Variants in KCNT2 observed in about 807,000 individuals in gnomAD.
KCNT2 encodes the protein potassium sodium-activated channel subfamily T member 2.
Under a neutral mutation model 153.8 loss-of-function variants are expected in KCNT2, and 67 were observed. The ratio of observed to expected loss-of-function variants is 0.44; its 90% CI spans 0.36 to 0.53. The LOEUF (loss-of-function observed/expected upper bound fraction) is 0.53, where lower values mean the gene tolerates loss of function less well. Among genes scored for constraint, KCNT2 ranks in the 20% least tolerant of loss-of-function variants. KCNT2 has a pLI of 0.00. For synonymous variants in KCNT2, 500 were observed against 458.8 expected, an observed-to-expected ratio of 1.09 and a Z score of -1.15; for missense variants, 975 against 1,354.8, an observed-to-expected ratio of 0.72 and a Z score of 4.40.
chr1:196,398,593 G>T lies in KCNT2; in HGVS notation c.1264C>A (p.Pro422Thr), dbSNP rs1328309959. Residue 422 changes from proline to threonine, a missense_variant, in exon 13 of 28, where the codon CCT (proline) becomes ACT (threonine). Coordinates refer to ENST00000294725, the MANE Select transcript of KCNT2 (RefSeq NM_198503.5). ...AATTTGATGTGAAATTTATTTTCAGGCTTTAATATCTGGACATACAAAGGA... is the reference window on the plus strand; with the variant it reads ...AATTTGATGTGAAATTTATTTTCAGTCTTTAATATCTGGACATACAAAGGA... Reference protein sequence around the residue: ...NCPLYVQILKPENKFHIKFAD... With the variant: ...NCPLYVQILKTENKFHIKFAD... The T allele has an allele frequency of 1.2e-6, 2 of 1,603,114 alleles. No homozygotes were observed. Among genetic ancestry groups the T allele is most frequent in the Admixed American group, 3.4e-5 (2 of 59,268 alleles).
chr1:196,292,372 T>C (rs537506462), intron 22 of KCNT2, among the ~76,000 whole-genome samples: 2 of 152,276 alleles, frequency 1.3e-5, no homozygotes, highest in East Asian at 3.9e-4. Context: ...TTACACTCAA[T>C]GGTAGAAAGT....
chr1:196,478,559 G>C (rs1678737681), intron 5 of KCNT2, among the ~76,000 whole-genome samples: 1 of 152,030 alleles, frequency 6.6e-6, no homozygotes, highest in African/African-American at 2.4e-5. Flanking sequence ...TATGGTTCAA[G>C]TACTACTGTT....
At chr1:196,468,971 T>G in intron 6 of KCNT2, 23 bp downstream of exon 6, 1 of 1,471,942 alleles carries the variant, frequency 6.8e-7, no homozygotes, top group Non-Finnish European at 9.4e-7. Flanking sequence ...AAAGTGTTTT[T>G]TTAAGGTTCT....
intron 4 of KCNT2, among the ~76,000 whole-genome samples, chr1:196,481,131 T>A (rs1678989189): frequency 6.6e-6 from 1 of 152,162 alleles, no homozygotes; most frequent in Non-Finnish European, 1.5e-5. Flanking sequence ...ACAACTTGAC[T>A]TTAACAAAAC....
intron 1 of KCNT2, among the ~76,000 whole-genome samples, chr1:196,558,108 G>A (rs1332396772): frequency 4.6e-5 from 7 of 151,252 alleles, no homozygotes; most frequent in East Asian, 1.9e-4. Context: ...ATTGTAAGCC[G>A]ATATTAAGAT....
intron 1 of KCNT2, among the ~76,000 whole-genome samples, chr1:196,502,700 T>C (rs1428974876): frequency 2.6e-5 from 4 of 152,148 alleles, no homozygotes; most frequent in East Asian, 3.9e-4. Context: ...CCAAGAGTAC[T>C]TTTCTATTAA....
intron 13 of KCNT2, 81 bp from the exon 14 acceptor site, chr1:196,373,329 A>G (rs1356419840): frequency 4.3e-6 from 3 of 703,974 alleles, no homozygotes; most frequent in Non-Finnish European, 7.6e-6. Context: ...AAAATGAATA[A>G]AATGGTAAAA....
intron 1 of KCNT2, among the ~76,000 whole-genome samples, chr1:196,509,206 T>G (rs1251549452): frequency 6.6e-6 from 1 of 150,536 alleles, no homozygotes; most frequent in East Asian, 2.0e-4. Flanking sequence ...GAAGCGGAAG[T>G]TGCAGTGAGC....
At chr1:196,231,420 G>A (rs1341189723) in intron 27 of KCNT2, among the ~76,000 whole-genome samples, 3 of 151,678 alleles carry the variant, frequency 2.0e-5, no homozygotes, top group Non-Finnish European at 1.5e-5. Context: ...AGGAAACTGT[G>A]CTAACACCTT....
intron 10 of KCNT2, 81 bp downstream of exon 10, chr1:196,428,024 G>A (rs552854652): frequency 1.1e-5 from 12 of 1,049,650 alleles, no homozygotes; most frequent in African/African-American, 3.2e-5. Flanking sequence ...CCACAAAGCA[G>A]GCTGCACCAT....
chr1:196,307,497 T>A (rs1288184780), intron 21 of KCNT2, among the ~76,000 whole-genome samples: 3 of 152,108 alleles, frequency 2.0e-5, no homozygotes, highest in Non-Finnish European at 4.4e-5. Flanking sequence ...TTGGTTTTAT[T>A]CATGCCTTAG....
At chr1:196,437,542 T>A (rs1190218815) in intron 8 of KCNT2, among the ~76,000 whole-genome samples, 1 of 149,328 alleles carries the variant, frequency 6.7e-6, no homozygotes, top group Non-Finnish European at 1.5e-5. Flanking sequence ...AAAAAAGAAA[T>A]CAATGTCACA....
intron 1 of KCNT2, among the ~76,000 whole-genome samples, chr1:196,514,578 T>C (rs1681899089): frequency 6.6e-6 from 1 of 152,202 alleles, no homozygotes; most frequent in Admixed American, 6.5e-5. Flanking sequence ...GTGTACTATG[T>C]GAACACTTAC....
chr1:196,352,719 G>A lies in KCNT2; in HGVS notation c.1404-10491C>T, dbSNP rs1226696888. Reference sequence around the variant, plus strand: ...CCTCTATTTCTGTCAGTTCTGCTCTGATTTTAGTTATTTCTTGCCTTCTGC... The same window carrying A: ...CCTCTATTTCTGTCAGTTCTGCTCTAATTTTAGTTATTTCTTGCCTTCTGC... On this transcript the variant is annotated intron_variant, in intron 14 of 27. Transcript: ENST00000294725. 2.6e-5 allele frequency among the ~76,000 whole-genome samples: 4 copies of A among 152,142 alleles called. No homozygotes were observed. In the South Asian group the frequency reaches 8.3e-4, roughly 32 times the overall value.
chr1:196,260,167 TC>T (rs1656876261), intron 25 of KCNT2, among the ~76,000 whole-genome samples: 1 of 151,852 alleles, frequency 6.6e-6, no homozygotes, highest in Admixed American at 6.6e-5. Flanking sequence ...TAGTCATAAG[TC>T]CCTATGAGTG....
At chr1:196,449,697 T>A (rs1236068390) in intron 8 of KCNT2, among the ~76,000 whole-genome samples, 1 of 151,362 alleles carries the variant, frequency 6.6e-6, no homozygotes, top group Non-Finnish European at 1.5e-5. Context: ...TAATAGGAAA[T>A]CATGAGAAGA....
chr1:196,572,860 T>G (rs2148954681), intron 1 of KCNT2, among the ~76,000 whole-genome samples: 1 of 152,210 alleles, frequency 6.6e-6, no homozygotes, highest in South Asian at 2.1e-4. Flanking sequence ...AGTTGTTTCT[T>G]GATGCATGAT....
At chr1:196,598,768 G>A (rs1244524140) in intron 1 of KCNT2, among the ~76,000 whole-genome samples, 2 of 152,084 alleles carry the variant, frequency 1.3e-5, no homozygotes, top group Non-Finnish European at 2.9e-5. Context: ...TTTGTAAAAT[G>A]GGAAAAATAA....
At chr1:196,489,980 T>G in intron 2 of KCNT2, 43 bp from the exon 3 acceptor site, 2 of 883,650 alleles carry the variant, frequency 2.3e-6, no homozygotes, top group Non-Finnish European at 3.5e-6. Flanking sequence ...CTGAACTTAG[T>G]TCACAAAAGA....
Sources: allele counts gnomAD v4.1 joint callset (sites outside exome capture counted in the v4.1 genomes callset), GRCh38; gene constraint gnomAD v4.1.1; transcripts MANE v1.5; gene names NCBI Gene and HGNC (gene_info 2026-07-23, HGNC 2026-07-21).